Variants in ITIH1 observed in about 807,000 individuals in gnomAD.
ITIH1 encodes inter-alpha-trypsin inhibitor heavy chain H1.
ITIH1 carries 94 observed loss-of-function variants against 104.6 expected under a neutral mutation model. That is an observed-to-expected ratio of 0.90 (90% CI 0.76 to 1.07). ITIH1 has a LOEUF of 1.07. ITIH1 is among the 50% of genes least tolerant of loss of function. The probability of loss-of-function intolerance (pLI) is 0.00; values close to 1 mark genes in which losing one functional copy is unlikely to be tolerated. For synonymous variants in ITIH1, 455 were observed against 464.4 expected (o/e 0.98, Z 0.26); for missense variants, 1,193 against 1,181.4 (o/e 1.01, Z -0.14).
In ITIH1 at chr3:52,787,198, T is replaced by C. The variant is rs746589452; in HGVS notation, c.1899T>C (p.Pro633=). The C allele has an allele frequency of 6.2e-7, 1 of 1,614,030 alleles. No individual in the cohort carries two copies. The highest frequency in any genetic ancestry group is 8.5e-7 in the Non-Finnish European group (1 of 1,180,022). The change falls in exon 15 of 22, where the codon CCT becomes CCC. Residue 633 remains proline (P), a synonymous_variant. Transcript: ENST00000273283. The part of the protein sequence containing the change: ...TIDKPSEDSP[P]LEMLGPRRTF... ...TTCTCTCCCTTCCAGATTCTCCGCC[T>C]TTGGGTGAGTTTTAAATTGCATTAG...
At chr3:52,787,505 A>C in intron 15 of ITIH1, 87 bp from the exon 16 acceptor site, 1 of 1,520,040 alleles carries the variant, frequency 6.6e-7, no homozygotes, top group Non-Finnish European at 9.1e-7. Context: ...GGCTGGGCCC[A>C]GGCCTGTTGT....
At chr3:52,780,859 C>G (rs1287019542) in intron 6 of ITIH1, among the ~76,000 whole-genome samples, 4 of 152,200 alleles carry the variant, frequency 2.6e-5, no homozygotes, top group Non-Finnish European at 4.4e-5. Flanking sequence ...TCCCAGAAGC[C>G]CCTGGCTCAC....
In ITIH1 at chr3:52,780,383, G is replaced by T; in HGVS notation, c.687+1G>T. 2 of 1,608,640 alleles carry T rather than the reference G, an allele frequency of 1.2e-6. No homozygotes were observed. Among genetic ancestry groups the T allele is most frequent in the Non-Finnish European group, 1.7e-6 (2 of 1,175,488 alleles). The stretch of plus-strand genomic sequence containing the variant: ...CAAGAAGTCCTTCTCAGGAAAAAAG[G>T]TACATGGGATAGCAAGGGGGTGGTG... On this transcript the variant is annotated splice_donor_variant, in intron 6 of 21. Transcript: ENST00000273283. LOFTEE classifies it high-confidence loss of function.
At chr3:52,777,875 C>G in intron 1 of ITIH1, 122 bp from the exon 2 acceptor site, 1 of 1,413,936 alleles carries the variant, frequency 7.1e-7, no homozygotes. Flanking sequence ...CTCCCAGCAC[C>G]ACCAAGGAGG....
chr3:52,783,961 G>A (rs565513025), intron 10 of ITIH1, among the ~76,000 whole-genome samples: 25 of 152,252 alleles, frequency 1.6e-4, no homozygotes, highest in Admixed American at 8.5e-4. Context: ...GGGCCTGCCC[G>A]GGAACTGTGG....
rs267599896 is a variant in ITIH1 at position 52,780,375 on chromosome 3, G to A, written c.680G>A (p.Gly227Glu). 6.2e-7 allele frequency: 1 copy of A among 1,611,676 alleles called. No homozygotes were observed. Among genetic ancestry groups the A allele is most frequent in the Admixed American group, 1.7e-5 (1 of 59,766 alleles). Reference protein sequence around the residue: ...AAQTIKKSFSGKKGHVLFRPT... With the variant: ...AAQTIKKSFSEKKGHVLFRPT... ...CAAACTATCAAGAAGTCCTTCTCAG[G>A]AAAAAAGGTACATGGGATAGCAAGG... Residue 227 changes from glycine (G) to glutamate (E), a missense_variant, in exon 6 of 22, where the codon GGA (glycine) becomes GAA (glutamate). Transcript: ENST00000273283.
At chr3:52,786,829 A>G (rs1699214896) in intron 13 of ITIH1, 116 bp from the exon 14 acceptor site, 1 of 1,246,060 alleles carries the variant, frequency 8.0e-7, no homozygotes, top group African/African-American at 1.5e-5. Flanking sequence ...GGGGCTTAAT[A>G]CTTATGTGTC....
rs1052352968 is a variant in ITIH1, at chr3:52,779,636, C to T, written c.573+42C>T. ...GGGGCAGGGGTCCTGCCCCTCTCTC[C>T]GTCACCATGGCTCCCAACACTGGTT... On this transcript the variant is annotated intron_variant, in intron 5 of 21. Transcript: ENST00000273283. The surrounding 1 kb of genome is among the most constrained non-coding windows in gnomAD (Gnocchi z 4.4). The T allele has an allele frequency of 1.0e-5, 16 of 1,606,708 alleles. No homozygotes were observed. Among genetic ancestry groups the T allele is most frequent in the Admixed American group, 3.3e-5 (2 of 60,008 alleles).
chr3:52,789,582 GAGGCATGATCCTGCTAAGCAAAGGC>G (rs1699293418), intron 18 of ITIH1, 46 bp from the exon 19 acceptor site: 8 of 1,383,494 alleles, frequency 5.8e-6, no homozygotes, highest in Non-Finnish European at 8.2e-6. Flanking sequence ...TCTTAGGAAG[GAGGCATGATCCTGCTAAGCAAAGGC>G]AGGCAGGCCC....
In ITIH1 at chr3:52,779,462, C is replaced by T; in HGVS notation, c.441C>T (p.Thr147=). Residue 147 remains threonine (T), a synonymous_variant, in exon 5 of 22, where the codon ACC becomes ACT. Transcript: ENST00000273283. The surrounding 1 kb of genome is among the most constrained non-coding windows in gnomAD (Gnocchi z 4.4). ...CGGGGAGAACTATGGAGCAATTCAC[C>T]ATCCACCTCACCGTCAATCCCCAGA... is the stretch of plus-strand genomic sequence containing the variant. ...RASGRTMEQF[T]IHLTVNPQSK... 6 of 1,614,252 alleles carry T rather than the reference C, an allele frequency of 3.7e-6. No homozygotes were observed. The highest frequency in any genetic ancestry group is 5.1e-6 in the Non-Finnish European group (6 of 1,180,048).
At position 52,784,938 on chromosome 3, in the gene ITIH1, A is replaced by C. The variant is rs563802727; in HGVS notation, c.1408-106A>C. On this transcript the variant is annotated intron_variant, in intron 11 of 21. Coordinates refer to ENST00000273283, the MANE Select transcript of ITIH1 (RefSeq NM_002215.4). ...AGCTACTTGACCTCTCGGACCCTCA[A>C]ATTCCTTCTCTAACTTGGGAATTCC... 8 of 1,212,678 alleles carry C rather than the reference A, an allele frequency of 6.6e-6. No homozygotes were observed. In the African/African-American group the frequency reaches 1.2e-4, roughly 18 times the overall value. The allele number at this position is 1,212,678 out of a possible 1,614,324, so 75.1% of individuals were successfully genotyped here.
intron 3 of ITIH1, 79 bp downstream of exon 3, chr3:52,778,585 G>A (rs1698962414): frequency 3.8e-6 from 6 of 1,588,042 alleles, no homozygotes; most frequent in Non-Finnish European, 5.1e-6. Flanking sequence ...GGATCGGAGT[G>A]GCCAGATAAC....
At chr3:52,781,838 A>AACAC (rs112607770) in intron 6 of ITIH1, 102 bp from the exon 7 acceptor site, 29 of 1,373,422 alleles carry the variant, frequency 2.1e-5, no homozygotes, top group African/African-American at 1.7e-4. Context: ...TGTCCGTGCA[A>AACAC]ACACACACAC....
Position 52,787,067 on chromosome 3 carries a change from G to A in ITIH1, c.1856G>A (p.Gly619Asp). The A allele has an allele frequency of 6.2e-7, 1 of 1,614,174 alleles. No individual in the cohort carries two copies. The highest frequency in any genetic ancestry group is 8.5e-7 in the Non-Finnish European group (1 of 1,180,016). The change falls in exon 14 of 22, where the codon GGC becomes GAC. Residue 619 changes from glycine to aspartate, a missense_variant. Transcript: ENST00000273283. ...MSIRGMADQD[G>D]LKPTIDKPSE... ...ATCAGGGGCATGGCGGACCAGGACGGCCTGAAGCCCACCATCGACAAGCCC... is the reference window on the plus strand; with the variant it reads ...ATCAGGGGCATGGCGGACCAGGACGACCTGAAGCCCACCATCGACAAGCCC...
intron 2 of ITIH1, 105 bp downstream of exon 2, chr3:52,778,122 G>A: frequency 7.5e-7 from 1 of 1,337,214 alleles, no homozygotes; most frequent in Non-Finnish European, 1.1e-6. Flanking sequence ...CATAGGCATG[G>A]GGTACTCTCC....
intron 18 of ITIH1, among the ~76,000 whole-genome samples, chr3:52,789,030 G>A (rs1699280542): frequency 6.6e-6 from 1 of 152,178 alleles, no homozygotes; most frequent in African/African-American, 2.4e-5. Context: ...CTTGGTTATG[G>A]GGAACAGCTC....
chr3:52,783,249 G>A lies in ITIH1; in HGVS notation c.1135G>A (p.Glu379Lys). ...NLNGGLLRGI[E>K]ILNQVQESLP... ...GAATGGAGGTTTGCTCCGGGGAATT[G>A]AGATCTTGAACCAAGTTCAGGAAAG... The change falls in exon 10 of 22, where the codon GAG becomes AAG. Residue 379 changes from glutamate to lysine, a missense_variant. By Grantham distance (56) the Glu-to-Lys change is moderately conservative. Coordinates refer to ENST00000273283, the MANE Select transcript of ITIH1 (RefSeq NM_002215.4). The A allele has an allele frequency of 1.2e-6, 2 of 1,614,128 alleles. No individual in the cohort carries two copies. Among genetic ancestry groups the A allele is most frequent in the South Asian group, 1.1e-5 (1 of 91,082 alleles).
chr3:52,785,731 C>A (rs1699180889), intron 12 of ITIH1, among the ~76,000 whole-genome samples: 1 of 152,226 alleles, frequency 6.6e-6, no homozygotes, highest in African/African-American at 2.4e-5. Context: ...GAGAGTTGAG[C>A]TGGACCTTGG....
In ITIH1 at chr3:52,779,591, T is replaced by C; in HGVS notation, c.570T>C (p.Phe190=). 6.2e-7 allele frequency: 1 copy of C among 1,614,154 alleles called. No homozygotes were observed. The highest frequency in any genetic ancestry group is 1.1e-5 in the South Asian group (1 of 91,086). ...AGCCCAAGCAGCTGGTGCATCATTTTGAGGTAGATCACAGGTCCCGGGGCA... is the reference window on the plus strand; with the variant it reads ...AGCCCAAGCAGCTGGTGCATCATTTCGAGGTAGATCACAGGTCCCGGGGCA... ...KVKPKQLVHH[F]EIDVDIFEPQ... The change falls in exon 5 of 22, where the codon TTT becomes TTC. Residue 190 remains phenylalanine (F), a synonymous_variant. Transcript: ENST00000273283. This position sits in a 1 kb window ranked among gnomAD's most constrained non-coding sequence, Gnocchi z 4.4.
Sources: gnomAD v4.1 joint callset for allele counts (sites outside exome capture counted in the v4.1 genomes callset) on GRCh38, gnomAD v4.1.1 for gene constraint, Gnocchi (gnomAD v3.1) non-coding constraint, MANE v1.5 for transcripts, NCBI Gene and HGNC (gene_info 2026-07-23, HGNC 2026-07-21) for gene names.